MYH13: variants seen among roughly 807,000 people sequenced by gnomAD.
The protein encoded by MYH13 is myosin heavy chain 13, also known as myosin-13.
A neutral mutation model predicts 232.1 loss-of-function variants in MYH13; 177 were observed. The observed-to-expected ratio is 0.76, with a 90% CI of 0.67 to 0.86. The LOEUF is 0.86. MYH13 is among the 40% of genes least tolerant of loss of function. The probability of loss-of-function intolerance (pLI) is 0.00; values close to 1 mark genes in which losing one functional copy is unlikely to be tolerated. For missense variants in MYH13, 2,246 were observed against 2,405.9 expected (o/e 0.93, Z 1.39); for synonymous variants, 884 against 923.5 (o/e 0.96, Z 0.78).
intron 13 of MYH13, among the ~76,000 whole-genome samples, chr17:10,346,403 G>C (rs2071666716): frequency 6.6e-6 from 1 of 152,204 alleles, no homozygotes; most frequent in African/African-American, 2.4e-5. Context: ...ACACAACAGA[G>C]GAGAGACTCA....
At position 10,304,998 on chromosome 17, in the gene MYH13, A is replaced by T. The variant is rs1480440501; in HGVS notation, c.5466+1461T>A. 6.6e-6 allele frequency among the ~76,000 whole-genome samples: 1 copy of T among 152,228 alleles called. No individual in the cohort carries two copies. Among genetic ancestry groups the T allele is most frequent in the Non-Finnish European group, 1.5e-5 (1 of 68,034 alleles). The stretch of plus-strand genomic sequence containing the variant: ...TCTGGGCTTGGAGACTCACTAGATC[A>T]GCCTTGAAAACTACTAATCGGACAG... On this transcript the variant is annotated intron_variant, in intron 37 of 40. Transcript: ENST00000252172. This position sits in a 1 kb window ranked among gnomAD's most constrained non-coding sequence, Gnocchi z 5.3.
chr17:10,314,038 A>G (rs964191804), intron 29 of MYH13, among the ~76,000 whole-genome samples: 8 of 152,244 alleles, frequency 5.3e-5, no homozygotes, highest in African/African-American at 1.9e-4. Flanking sequence ...AGCTCCGACT[A>G]TAATGGCCAC....
chr17:10,309,920 C>T (rs1906445463), intron 33 of MYH13, 90 bp from the exon 34 acceptor site: 3 of 1,046,180 alleles, frequency 2.9e-6, no homozygotes, highest in Admixed American at 3.7e-5. Context: ...AATGGGTATG[C>T]GTTTTTTTAA....
chr17:10,351,026 C>G (rs766406950), intron 11 of MYH13, among the ~76,000 whole-genome samples: 5 of 151,752 alleles, frequency 3.3e-5, no homozygotes, highest in Non-Finnish European at 7.4e-5. Flanking sequence ...TTGAGACCAT[C>G]CTGGCCAACA....
chr17:10,350,099 A>G (rs2071697536), intron 12 of MYH13, among the ~76,000 whole-genome samples: 1 of 152,138 alleles, frequency 6.6e-6, no homozygotes, highest in Admixed American at 6.5e-5. Flanking sequence ...ACCGTTCACC[A>G]TTCTTGGTTC....
Position 10,354,746 on chromosome 17 carries a change from G to C in MYH13, c.939C>G (p.Pro313=). 3.1e-6 allele frequency: 5 copies of C among 1,613,976 alleles called. No homozygotes were observed. Among genetic ancestry groups the C allele is most frequent in the Non-Finnish European group, 4.2e-6 (5 of 1,179,894 alleles). The change falls in exon 11 of 41, where the codon CCC becomes CCG. Residue 313 remains proline (P), a synonymous_variant. Transcript: ENST00000252172. The part of the protein sequence containing the change: ...LLISTNPFDF[P]FVSQGEVTVA... ...CCGTGACCTCTCCTTGGCTCACGAA[G>C]GGGAAGTCGAAGGGGTTGGTGGAGA...
intron 37 of MYH13, 124 bp from the exon 38 acceptor site, chr17:10,303,622 C>T (rs1057027523): frequency 1.4e-5 from 11 of 779,222 alleles, no homozygotes; most frequent in Non-Finnish European, 2.2e-5. Flanking sequence ...AGTCAGGAAA[C>T]AACAGATGCT....
At position 10,319,137 on chromosome 17, in the gene MYH13, T is replaced by C; in HGVS notation, c.3391A>G (p.Thr1131Ala). 6.2e-7 allele frequency: 1 copy of C among 1,614,094 alleles called. No homozygotes were observed. The highest frequency in any genetic ancestry group is 8.5e-7 in the Non-Finnish European group (1 of 1,180,018). ...TGCTTCTCAATCTTGGCTCTGAGCG[T>C]GTGTTCCGCTTCAATTTCCTCCTCC... ...ELEEEIEAEH[T>A]LRAKIEKQRS... The change falls in exon 27 of 41, where the codon ACG becomes GCG. Residue 1131 changes from threonine to alanine, a missense_variant. Coordinates refer to ENST00000252172, the MANE Select transcript of MYH13 (RefSeq NM_003802.3).
chr17:10,337,613 A>AGG (rs1228989383), intron 18 of MYH13, among the ~76,000 whole-genome samples: 8 of 152,316 alleles, frequency 5.3e-5, no homozygotes, highest in Admixed American at 4.6e-4. Context: ...AGGGCACACT[A>AGG]GCTGCTTTCT....
At chr17:10,340,728 AG>A (rs1370380377) in intron 16 of MYH13, among the ~76,000 whole-genome samples, 1 of 151,956 alleles carries the variant, frequency 6.6e-6, no homozygotes, top group African/African-American at 2.4e-5. Context: ...CATGTTGGCC[AG>A]GCTAGTCTCG....
In MYH13 at chr17:10,362,196, A is replaced by G; in HGVS notation, c.427T>C (p.Tyr143His). 1 of 1,613,950 alleles carries G rather than the reference A, an allele frequency of 6.2e-7. No individual in the cohort carries two copies. Among genetic ancestry groups the G allele is most frequent in the Non-Finnish European group, 8.5e-7 (1 of 1,179,868 alleles). Residue 143 changes from tyrosine (Y) to histidine (H), a missense_variant, in exon 5 of 41, where the codon TAC becomes CAC. By Grantham distance (83) the Tyr-to-His change is moderately conservative. Coordinates refer to ENST00000252172, the MANE Select transcript of MYH13 (RefSeq NM_003802.3). The stretch of plus-strand genomic sequence containing the variant: ...GCCTCCTGGCGCTTTTTGCCTCTGT[A>G]GGCAGCCACCACCTCGGGCTTGTAC... ...PVYKPEVVAA[Y>H]RGKKRQEAPP...
Position 10,350,703 on chromosome 17 carries a change from A to T in MYH13, c.1006-9T>A, listed in dbSNP as rs759498048. The stretch of plus-strand genomic sequence containing the variant: ...AGGATGTCAATGGCATTCTGGAAAG[A>T]AAAAAAGGACAACTGTCATAGCAGG... On this transcript the variant is annotated splice_polypyrimidine_tract_variant and intron_variant, in intron 11 of 40. Coordinates refer to ENST00000252172, the MANE Select transcript of MYH13 (RefSeq NM_003802.3). The T allele has an allele frequency of 2.5e-6, 4 of 1,612,868 alleles. No individual in the cohort carries two copies. The highest frequency in any genetic ancestry group is 8.5e-7 in the Non-Finnish European group (1 of 1,179,288).
At chr17:10,312,545 C>A (rs760321578) in intron 31 of MYH13, 29 bp downstream of exon 31, 1 of 1,595,316 alleles carries the variant, frequency 6.3e-7, no homozygotes, top group Non-Finnish European at 8.5e-7. Context: ...CTCATGCCAT[C>A]TTCACAAAGA....
At chr17:10,330,663 G>T in intron 20 of MYH13, 140 bp from the exon 21 acceptor site, 1 of 1,222,240 alleles carries the variant, frequency 8.2e-7, no homozygotes, top group Non-Finnish European at 1.1e-6. Context: ...TCCAGGACTT[G>T]CTTCTCGGTG....
rs780689366 is a variant in MYH13, at chr17:10,306,909, C to G, written c.5295+30G>C. 6.2e-7 allele frequency: 1 copy of G among 1,611,818 alleles called. No homozygotes were observed. The highest frequency in any genetic ancestry group is 1.7e-5 in the Admixed American group (1 of 59,974). On this transcript the variant is annotated intron_variant, in intron 36 of 40. Coordinates refer to ENST00000252172, the MANE Select transcript of MYH13 (RefSeq NM_003802.3). This position sits in a 1 kb window ranked among gnomAD's most constrained non-coding sequence, Gnocchi z 4.3. ...GGCCCCACTTTCTCAGTTCCAAACC[C>G]CATCTCTGAAAAGGAAGAACAGAGC...
In MYH13 at chr17:10,311,082, T is replaced by A. The variant is rs558832981; in HGVS notation, c.4656+21A>T. ...TTCCCTGTCCTCCTGAATTTCTGAA[T>A]GTCATATCCTAGACACTTACCTCCA... On this transcript the variant is annotated intron_variant, in intron 33 of 40. Coordinates refer to ENST00000252172, the MANE Select transcript of MYH13 (RefSeq NM_003802.3). The A allele has an allele frequency of 5.0e-6, 8 of 1,612,872 alleles. No individual in the cohort carries two copies. The African/African-American group carries it at 1.1e-4, about 22-fold the overall frequency.
intron 8 of MYH13, among the ~76,000 whole-genome samples, chr17:10,356,993 C>T (rs2071754332): frequency 6.6e-6 from 1 of 152,062 alleles, no homozygotes. Context: ...CAGAGTTGCC[C>T]TCTGTTGCCC....
intron 2 of MYH13, among the ~76,000 whole-genome samples, chr17:10,365,753 G>A (rs755858950): frequency 5.9e-5 from 9 of 152,052 alleles, no homozygotes; most frequent in Non-Finnish European, 1.0e-4. Flanking sequence ...AACTCTAAAC[G>A]CGGTCTCTAA....
Position 10,309,154 on chromosome 17 carries a change from T to C in MYH13, c.5169+80A>G, listed in dbSNP as rs568880740. On this transcript the variant is annotated intron_variant, in intron 35 of 40. Transcript: ENST00000252172. ...ACGGCGTGGGCCCTGAGTGGAGGGA[T>C]AGCGGAAGCAGCTGCACGGTGCAGG... 24 of 1,403,092 alleles carry C rather than the reference T, an allele frequency of 1.7e-5. No homozygotes were observed. In the African/African-American group the frequency reaches 2.9e-4, roughly 17 times the overall value. The allele number at this position is 1,403,092 out of a possible 1,614,324, so 86.9% of individuals were successfully genotyped here.
Sources: allele counts gnomAD v4.1 joint callset (sites outside exome capture counted in the v4.1 genomes callset), GRCh38; gene constraint gnomAD v4.1.1; non-coding constraint Gnocchi (gnomAD v3.1); transcripts MANE v1.5; gene names NCBI Gene and HGNC (gene_info 2026-07-23, HGNC 2026-07-21).